ARHGAP21: variants seen among roughly 807,000 people sequenced by gnomAD.
The protein encoded by ARHGAP21 is rho GTPase-activating protein 21.
Under a neutral mutation model 164.6 loss-of-function variants are expected in ARHGAP21, and 38 were observed. That is an observed-to-expected ratio of 0.23 (90% confidence interval 0.18 to 0.30). The LOEUF (loss-of-function observed/expected upper bound fraction) is 0.30, where lower values mean the gene tolerates loss of function less well. Among genes scored for constraint, ARHGAP21 ranks in the 10% least tolerant of loss-of-function variants. The pLI is 1.00. For missense variants in ARHGAP21, 1,822 were observed against 2,370.7 expected (o/e 0.77, Z 4.81); for synonymous variants, 766 against 857.9 (o/e 0.89, Z 1.87).
intron 25 of ARHGAP21, among the ~76,000 whole-genome samples, chr10:24,587,743 C>T (rs2076165548): frequency 1.3e-5 from 2 of 152,052 alleles, no homozygotes; most frequent in East Asian, 1.9e-4. Flanking sequence ...AGTTCCGTGG[C>T]GAGAAGCAAT....
chr10:24,721,697 A>T, intron 2 of ARHGAP21, 140 bp downstream of exon 2: 4 of 889,004 alleles, frequency 4.5e-6, no homozygotes, highest in Non-Finnish European at 7.1e-6. Flanking sequence ...GCTACTGGTT[A>T]AGCTGGGGCG....
chr10:24,702,220 T>C (rs1247090065), intron 2 of ARHGAP21, among the ~76,000 whole-genome samples: 1 of 150,186 alleles, frequency 6.7e-6, no homozygotes, highest in Non-Finnish European at 1.5e-5. Flanking sequence ...AAGTTCCATT[T>C]CCCGGGTTCA....
chr10:24,601,862 G>GT (rs542149527), intron 13 of ARHGAP21, 116 bp downstream of exon 13: 17,323 of 994,388 alleles, frequency 0.017, 2 homozygotes, highest in Non-Finnish European at 0.019. Context: ...TTTATAAATG[G>GT]TTTTTTTTTT....
intron 2 of ARHGAP21, among the ~76,000 whole-genome samples, chr10:24,672,884 C>CAA (rs539936931): frequency 6.8e-6 from 1 of 147,620 alleles, no homozygotes; most frequent in Non-Finnish European, 1.5e-5. Context: ...AAAACAAAAA[C>CAA]AAAAAAAAAC....
intron 7 of ARHGAP21, chr10:24,629,189 G>C (rs1835598381): frequency 6.7e-6 from 1 of 149,694 alleles, no homozygotes; most frequent in Non-Finnish European, 1.5e-5. Flanking sequence ...AGATAGGGTA[G>C]AGATAGGGTT....
At chr10:24,718,160 A>G (rs1214889523) in intron 2 of ARHGAP21, among the ~76,000 whole-genome samples, 1 of 151,758 alleles carries the variant, frequency 6.6e-6, no homozygotes, top group African/African-American at 2.4e-5. Context: ...ATGAGGAATG[A>G]CGAGACGGAA....
chr10:24,693,089 CA>C (rs1204476296), intron 2 of ARHGAP21, among the ~76,000 whole-genome samples: 6 of 152,042 alleles, frequency 3.9e-5, no homozygotes, highest in African/African-American at 1.4e-4. Flanking sequence ...GAGGAGAAAA[CA>C]ATGACCACAA....
chr10:24,680,373 G>T (rs1209668414), intron 2 of ARHGAP21, among the ~76,000 whole-genome samples: 1 of 151,880 alleles, frequency 6.6e-6, no homozygotes, highest in Non-Finnish European at 1.5e-5. Context: ...ATTATGACTT[G>T]GCCTCACAGC....
intron 2 of ARHGAP21, among the ~76,000 whole-genome samples, chr10:24,683,493 T>C (rs1209389353): frequency 6.6e-6 from 1 of 151,984 alleles, no homozygotes; most frequent in East Asian, 1.9e-4. Flanking sequence ...CAAAGGTAAG[T>C]TTTTTGTTTT....
At chr10:24,663,875 C>T (rs1010057994) in intron 4 of ARHGAP21, among the ~76,000 whole-genome samples, 1 of 152,140 alleles carries the variant, frequency 6.6e-6, no homozygotes, top group Non-Finnish European at 1.5e-5. Context: ...ACTGTTTCAA[C>T]AGCACCTCTG....
At chr10:24,710,624 G>A (rs573259114) in intron 2 of ARHGAP21, among the ~76,000 whole-genome samples, 42 of 152,216 alleles carry the variant, frequency 2.8e-4, no homozygotes, top group Admixed American at 6.5e-4. Context: ...GCACTCAGAA[G>A]GTGCTCAATA....
At chr10:24,652,934 C>T (rs1250833870) in intron 4 of ARHGAP21, among the ~76,000 whole-genome samples, 2 of 152,048 alleles carry the variant, frequency 1.3e-5, no homozygotes, top group Non-Finnish European at 2.9e-5. Context: ...GAAATGAGTA[C>T]AAATGTGTAC....
rs181303109 is a variant in ARHGAP21 at position 24,659,539 on chromosome 10, T to C, written c.268+7446A>G. Reference sequence around the variant, plus strand: ...CATGTTGGTCAGGCTGGTCTCGAACTCCCAACCTCAGGTGATCTGCCCACC... The same window carrying C: ...CATGTTGGTCAGGCTGGTCTCGAACCCCCAACCTCAGGTGATCTGCCCACC... On this transcript the variant is annotated intron_variant, in intron 4 of 25. Transcript: ENST00000396432. Among the ~76,000 whole-genome samples the C allele has an allele frequency of 2.0e-3, 297 of 152,264 alleles. 3 individuals are homozygous for C. The highest frequency in any genetic ancestry group is 6.9e-3 in the African/African-American group (287 of 41,550).
rs773085790 is a variant in ARHGAP21, at chr10:24,584,648, G to A, written c.5641C>T (p.Arg1881Ter). 4.3e-6 allele frequency: 7 copies of A among 1,613,912 alleles called. No individual in the cohort carries two copies. Among genetic ancestry groups the A allele is most frequent in the East Asian group, 2.2e-5 (1 of 44,878 alleles). Reference sequence around the variant, plus strand: ...GGTGTGTCGGTCGTGGCTATTTCTCGTGTGCTTGGGTTCTCTGTCTGGGGA... The same window carrying A: ...GGTGTGTCGGTCGTGGCTATTTCTCATGTGCTTGGGTTCTCTGTCTGGGGA... ...GDPQTENPST[R>*]EIATTDTPLS... Residue 1881 changes from arginine to a stop codon, truncating the protein, a stop_gained, in exon 26 of 26, where the codon CGA becomes TGA. Transcript: ENST00000396432. LOFTEE classifies it low-confidence loss of function (END_TRUNC).
At chr10:24,668,446 G>C (rs571706565) in intron 3 of ARHGAP21, among the ~76,000 whole-genome samples, 2 of 152,184 alleles carry the variant, frequency 1.3e-5, no homozygotes, top group African/African-American at 2.4e-5. Context: ...GTGGCTGTGT[G>C]TGTGCTCTGC....
At chr10:24,601,722 T>G (rs1040424833) in intron 13 of ARHGAP21, among the ~76,000 whole-genome samples, 1 of 152,178 alleles carries the variant, frequency 6.6e-6, no homozygotes, top group African/African-American at 2.4e-5. Context: ...TACTTAGATT[T>G]CCTTTTTACA....
intron 2 of ARHGAP21, among the ~76,000 whole-genome samples, chr10:24,698,171 C>A (rs1565182215): frequency 6.6e-6 from 1 of 152,098 alleles, no homozygotes; most frequent in African/African-American, 2.4e-5. Flanking sequence ...CTTTCCCCAT[C>A]AATCATGAAT....
chr10:24,657,516 C>T (rs1232109188), intron 4 of ARHGAP21, among the ~76,000 whole-genome samples: 3 of 112,358 alleles, frequency 2.7e-5, no homozygotes, highest in Admixed American at 8.4e-5. Flanking sequence ...AGTGAGGAGC[C>T]CCTCTGCCCG....
intron 2 of ARHGAP21, among the ~76,000 whole-genome samples, chr10:24,699,240 A>G (rs1450226244): frequency 6.6e-6 from 1 of 152,252 alleles, no homozygotes; most frequent in East Asian, 1.9e-4. Flanking sequence ...GGAGGGAAAT[A>G]TATAATTTAC....
Sources: allele counts gnomAD v4.1 joint callset (sites outside exome capture counted in the v4.1 genomes callset), GRCh38; gene constraint gnomAD v4.1.1; transcripts MANE v1.5; gene names NCBI Gene and HGNC (gene_info 2026-07-23, HGNC 2026-07-21).